PPARA: variants seen among roughly 807,000 people sequenced by gnomAD.
The protein encoded by PPARA is peroxisome proliferator-activated receptor alpha.
Under a neutral mutation model 42.2 loss-of-function variants are expected in PPARA, and 22 were observed. The observed-to-expected ratio is 0.52, with a 90% CI of 0.37 to 0.74. The LOEUF (loss-of-function observed/expected upper bound fraction) is 0.74. Among genes scored for constraint, PPARA ranks in the 30% least tolerant of loss-of-function variants. The pLI, the probability that PPARA is intolerant of heterozygous loss-of-function variation, is 0.00. For missense variants in PPARA, 465 were observed against 608.2 expected (o/e 0.76, Z 2.48); for synonymous variants, 242 against 239.3 (o/e 1.01, Z -0.10).
intron 3 of PPARA, among the ~76,000 whole-genome samples, chr22:46,194,168 T>C (rs967803846): frequency 6.6e-6 from 1 of 152,178 alleles, no homozygotes. Flanking sequence ...TCTGCTCTTG[T>C]TGGGAGCAAG....
chr22:46,179,669 A>G (rs750826477), intron 3 of PPARA, among the ~76,000 whole-genome samples: 48 of 152,200 alleles, frequency 3.2e-4, no homozygotes, highest in Non-Finnish European at 6.5e-4. Context: ...GATTTCATAG[A>G]TATGACACCG....
In PPARA at chr22:46,233,005, TACACACACAC is replaced by T. The variant is rs34036883; in HGVS notation, c.1159+778_1159+787del. Among the ~76,000 whole-genome samples, 1 of 138,736 alleles carries T rather than the reference TACACACACAC, an allele frequency of 7.2e-6. No homozygotes were observed. The highest frequency in any genetic ancestry group is 2.7e-5 in the African/African-American group (1 of 37,208). The allele number at this position is 138,736 out of a possible 152,430, so 91.0% of individuals were successfully genotyped here. A position where few individuals can be genotyped will look rare whatever the true frequency, so the allele number is the denominator to read the frequency against. Reference sequence around the variant, plus strand: ...TCAAAAAAAAAAAAAAAAAAAATTATACACACACACACACACACACATTTCGTTTATATTA... The same window carrying T: ...TCAAAAAAAAAAAAAAAAAAAATTATACACACACACATTTCGTTTATATTA... On this transcript the variant is annotated intron_variant, in intron 8 of 8. Coordinates refer to ENST00000407236, the MANE Select transcript of PPARA (RefSeq NM_005036.6). This position sits in a 1 kb window ranked among gnomAD's most constrained non-coding sequence, Gnocchi z 7.3.
intron 2 of PPARA, among the ~76,000 whole-genome samples, chr22:46,170,342 C>A (rs1398592835): frequency 4.7e-5 from 7 of 150,222 alleles, no homozygotes; most frequent in Non-Finnish European, 8.9e-5. Flanking sequence ...CTCAAGTGAT[C>A]CACCCACCTC....
Position 46,211,971 on chromosome 22 carries a change from C to T in PPARA, c.209-3202C>T, listed in dbSNP as rs138336524. Among the ~76,000 whole-genome samples the T allele has an allele frequency of 7.8e-3, 1,186 of 151,908 alleles. 8 individuals are homozygous for T. Among genetic ancestry groups the T allele is most frequent in the Non-Finnish European group, 0.014 (956 of 67,932 alleles). On this transcript the variant is annotated intron_variant, in intron 4 of 8. Coordinates refer to ENST00000407236, the MANE Select transcript of PPARA (RefSeq NM_005036.6). The surrounding 1 kb of genome is among the most constrained non-coding windows in gnomAD (Gnocchi z 4.1). ...CCTCCCAAAGTGTTGGGATTACAGG[C>T]GTGAGCCACCACACCCGGTCTCTCT...
chr22:46,175,392 A>G (rs1386446165), intron 2 of PPARA, among the ~76,000 whole-genome samples: 2 of 152,102 alleles, frequency 1.3e-5, no homozygotes, highest in Non-Finnish European at 2.9e-5. Flanking sequence ...GCCAGTCATT[A>G]ATCTGTTGCC....
At position 46,161,874 on chromosome 22, in the gene PPARA, G is replaced by T. The variant is rs567156518; in HGVS notation, c.-127+9904G>T. Among the ~76,000 whole-genome samples, 39 of 152,196 alleles carry T rather than the reference G, an allele frequency of 2.6e-4. No individual in the cohort carries two copies. Among genetic ancestry groups the T allele is most frequent in the Middle Eastern group, 3.4e-3 (1 of 294 alleles). ...CCCCCACCCCCTCTGGCTCCACGAGGCCCCCTGTACGTCACCATCACCTTT... is the reference window on the plus strand; with the variant it reads ...CCCCCACCCCCTCTGGCTCCACGAGTCCCCCTGTACGTCACCATCACCTTT... On this transcript the variant is annotated intron_variant, in intron 2 of 8. Coordinates refer to ENST00000407236, the MANE Select transcript of PPARA (RefSeq NM_005036.6). This position sits in a 1 kb window ranked among gnomAD's most constrained non-coding sequence, Gnocchi z 4.8.
intron 3 of PPARA, among the ~76,000 whole-genome samples, chr22:46,189,897 G>C (rs1310332939): frequency 6.6e-6 from 1 of 151,928 alleles, no homozygotes; most frequent in Non-Finnish European, 1.5e-5. Flanking sequence ...AATAGAGATG[G>C]GGTTTCACCA....
At chr22:46,228,462 G>A (rs1160536542) in intron 7 of PPARA, among the ~76,000 whole-genome samples, 1 of 152,112 alleles carries the variant, frequency 6.6e-6, no homozygotes, top group Non-Finnish European at 1.5e-5. Flanking sequence ...CTCAAACCTG[G>A]GAGGTGGAGG....
chr22:46,170,240 G>A (rs181322165), intron 2 of PPARA, among the ~76,000 whole-genome samples: 138 of 150,946 alleles, frequency 9.1e-4, no homozygotes, highest in African/African-American at 2.7e-3. Flanking sequence ...GTGGCAGGGG[G>A]GTGGGAGTTG....
In PPARA at chr22:46,196,444, G is replaced by C. The variant is rs546752863; in HGVS notation, c.-42-1898G>C. Among the ~76,000 whole-genome samples the C allele has an allele frequency of 6.6e-6, 1 of 152,206 alleles. No homozygotes were observed. Among genetic ancestry groups the C allele is most frequent in the African/African-American group, 2.4e-5 (1 of 41,462 alleles). Reference sequence around the variant, plus strand: ...TGCCACCGGCTTGGCCCTGCGCCCCGCAGCCTGAGCCACACTGGCTGCCTG... The same window carrying C: ...TGCCACCGGCTTGGCCCTGCGCCCCCCAGCCTGAGCCACACTGGCTGCCTG... On this transcript the variant is annotated intron_variant, in intron 3 of 8. Transcript: ENST00000407236. The surrounding 1 kb of genome is among the most constrained non-coding windows in gnomAD (Gnocchi z 5.6).
Position 46,180,622 on chromosome 22 carries a change from T to C in PPARA, c.-43+3786T>C, listed in dbSNP as rs2037825552. Reference sequence around the variant, plus strand: ...TGATAACGGCCTTTATTCTCACTTCTGTATGCCTGCTTCCTGCCTCACATA... The same window carrying C: ...TGATAACGGCCTTTATTCTCACTTCCGTATGCCTGCTTCCTGCCTCACATA... On this transcript the variant is annotated intron_variant, in intron 3 of 8. Coordinates refer to ENST00000407236, the MANE Select transcript of PPARA (RefSeq NM_005036.6). The surrounding 1 kb of genome is among the most constrained non-coding windows in gnomAD (Gnocchi z 4.2). Among the ~76,000 whole-genome samples, 1 of 152,214 alleles carries C rather than the reference T, an allele frequency of 6.6e-6. No homozygotes were observed. Among genetic ancestry groups the C allele is most frequent in the Non-Finnish European group, 1.5e-5 (1 of 68,042 alleles).
At chr22:46,199,370 C>T (rs1300040885) in intron 4 of PPARA, among the ~76,000 whole-genome samples, 2 of 152,130 alleles carry the variant, frequency 1.3e-5, no homozygotes, top group South Asian at 2.1e-4. Flanking sequence ...CGGTGGCTCA[C>T]GCCTATAATC....
chr22:46,172,157 G>C (rs1455589802), intron 2 of PPARA, among the ~76,000 whole-genome samples: 1 of 152,052 alleles, frequency 6.6e-6, no homozygotes, highest in Non-Finnish European at 1.5e-5. Context: ...CCCAGGAGGT[G>C]ATCAGGGTTC....
intron 4 of PPARA, among the ~76,000 whole-genome samples, chr22:46,207,667 TATTA>T (rs1185740391): frequency 2.2e-3 from 263 of 117,294 alleles, no homozygotes; most frequent in African/African-American, 0.01. Flanking sequence ...TTATTATTAT[TATTA>T]TTATTATTTT....
rs1485285014 is a variant in PPARA, at chr22:46,232,792, A to T, written c.1159+553A>T. Among the ~76,000 whole-genome samples, 1 of 150,782 alleles carries T rather than the reference A, an allele frequency of 6.6e-6. No individual in the cohort carries two copies. The highest frequency in any genetic ancestry group is 2.4e-5 in the African/African-American group (1 of 40,982). ...GGAGGTTGAGACCAGCCTGGGCAAC[A>T]TGGCAAGACCCCGTCTCTACAAAAA... is the stretch of plus-strand genomic sequence containing the variant. On this transcript the variant is annotated intron_variant, in intron 8 of 8. Transcript: ENST00000407236. The surrounding 1 kb of genome is among the most constrained non-coding windows in gnomAD (Gnocchi z 5.3).
rs56244653 is a variant in PPARA at position 46,184,840 on chromosome 22, G to A, written c.-43+8004G>A. Reference sequence around the variant, plus strand: ...ACTGCACTCCAGCCTACGCGACAGAGCAAGACTCCGTCTCAAAAAACAAAA... The same window carrying A: ...ACTGCACTCCAGCCTACGCGACAGAACAAGACTCCGTCTCAAAAAACAAAA... On this transcript the variant is annotated intron_variant, in intron 3 of 8. Transcript: ENST00000407236. This position sits in a 1 kb window ranked among gnomAD's most constrained non-coding sequence, Gnocchi z 4.4. 6.6e-6 allele frequency among the ~76,000 whole-genome samples: 1 copy of A among 152,338 alleles called. No individual in the cohort carries two copies. Among genetic ancestry groups the A allele is most frequent in the African/African-American group, 2.4e-5 (1 of 41,576 alleles).
intron 2 of PPARA, among the ~76,000 whole-genome samples, chr22:46,158,628 A>T (rs1011330684): frequency 6.6e-6 from 1 of 152,236 alleles, no homozygotes; most frequent in African/African-American, 2.4e-5. Context: ...ATCAAGTGAC[A>T]TGCAAATCTT....
chr22:46,152,132 A>ATTTT lies in PPARA; in HGVS notation c.-127+183_-127+186dup, dbSNP rs780789203. Among the ~76,000 whole-genome samples, 187 of 104,656 alleles carry ATTTT rather than the reference A, an allele frequency of 1.8e-3. 1 individual carries two copies. The highest frequency in any genetic ancestry group is 2.6e-3 in the East Asian group (9 of 3,486). The allele number at this position is 104,656 out of a possible 152,430, so 68.7% of individuals were successfully genotyped here. On this transcript the variant is annotated intron_variant, in intron 2 of 8. Coordinates refer to ENST00000407236, the MANE Select transcript of PPARA (RefSeq NM_005036.6). ...AAGTAAAATACATGTGCATGGATTC[A>ATTTT]TTTTTTTTTTTTTTTTTTTTTTTTG...
intron 3 of PPARA, among the ~76,000 whole-genome samples, chr22:46,185,950 T>TGTATAC (rs1930716364): frequency 1.7e-5 from 1 of 57,342 alleles, no homozygotes; most frequent in Non-Finnish European, 3.3e-5. Context: ...TATATATATA[T>TGTATAC]ATATATATAT....
Sources: gnomAD v4.1 joint callset for allele counts (sites outside exome capture counted in the v4.1 genomes callset) on GRCh38, gnomAD v4.1.1 for gene constraint, Gnocchi (gnomAD v3.1) non-coding constraint, MANE v1.5 for transcripts, NCBI Gene and HGNC (gene_info 2026-07-23, HGNC 2026-07-21) for gene names.